The following ATP10B variants were observed in gnomAD, a reference collection of about 807,000 sequenced individuals.
ATP10B encodes phospholipid-transporting ATPase VB.
ATP10B carries 122 observed loss-of-function variants against 141.2 expected under a neutral mutation model. The ratio of observed to expected loss-of-function variants is 0.86; its 90% CI spans 0.75 to 1.00. The LOEUF (loss-of-function observed/expected upper bound fraction) is 1.00, where lower values mean the gene tolerates loss of function less well. ATP10B is among the 50% of genes least tolerant of loss of function. The pLI, the probability that ATP10B is intolerant of heterozygous loss-of-function variation, is 0.00. For synonymous variants in ATP10B, 685 were observed against 692.0 expected, an observed-to-expected ratio of 0.99 and a Z score of 0.16; for missense variants, 1,876 against 1,825.3, an observed-to-expected ratio of 1.03 and a Z score of -0.51.
At chr5:160,566,268 C>G (rs1451495901) in intron 25 of ATP10B, among the ~76,000 whole-genome samples, 1 of 152,198 alleles carries the variant, frequency 6.6e-6, no homozygotes, top group Non-Finnish European at 1.5e-5. Context: ...GAGCTATGGT[C>G]AGAACCACAC....
In ATP10B at chr5:160,654,879, T is replaced by C. The variant is rs148984610; in HGVS notation, c.676-5623A>G. Among the ~76,000 whole-genome samples the C allele has an allele frequency of 1.1e-4, 17 of 152,288 alleles. No individual in the cohort carries two copies. In the East Asian group the frequency reaches 3.1e-3, roughly 28 times the overall value. On this transcript the variant is annotated intron_variant, in intron 7 of 25. Transcript: ENST00000327245. ...ACCATTATTATCCCGATTTCAGAGATAAAGGAATTGAGGCTTAGGGAAAAT... is the reference window on the plus strand; with the variant it reads ...ACCATTATTATCCCGATTTCAGAGACAAAGGAATTGAGGCTTAGGGAAAAT...
the ATP10B span, among the ~76,000 whole-genome samples, chr5:160,895,805 ACTC>A: frequency 2.0e-5 from 3 of 152,070 alleles, no homozygotes; most frequent in Admixed American, 1.3e-4. Flanking sequence ...GAAGTAAAAC[ACTC>A]CTCAGCAAAT....
the ATP10B span, among the ~76,000 whole-genome samples, chr5:160,916,597 C>G: frequency 6.6e-6 from 1 of 152,106 alleles, no homozygotes; most frequent in Non-Finnish European, 1.5e-5. Flanking sequence ...TCTCATGACT[C>G]TAGGAGGTAA....
intron 7 of ATP10B, among the ~76,000 whole-genome samples, chr5:160,663,232 A>G (rs187090891): frequency 0.011 from 1,635 of 152,154 alleles, 17 homozygotes; most frequent in African/African-American, 0.025. Flanking sequence ...TCAGTGTGGC[A>G]ATTCCTCAGG....
the ATP10B span, among the ~76,000 whole-genome samples, chr5:160,878,240 C>A: frequency 1.6e-4 from 24 of 151,400 alleles, no homozygotes; most frequent in African/African-American, 5.6e-4. Context: ...ATATCTACAA[C>A]TATCTGATCT....
intron 13 of ATP10B, among the ~76,000 whole-genome samples, chr5:160,623,833 A>T (rs1045633064): frequency 1.3e-5 from 2 of 152,174 alleles, no homozygotes; most frequent in East Asian, 3.8e-4. Flanking sequence ...CCCTGCTGGC[A>T]TCTTGCTTTG....
At chr5:160,708,492 T>C (rs2127768597) in intron 3 of ATP10B, among the ~76,000 whole-genome samples, 1 of 152,320 alleles carries the variant, frequency 6.6e-6, no homozygotes, top group East Asian at 1.9e-4. Context: ...CTATCACAAA[T>C]GCTTCTTAAT....
the ATP10B span, among the ~76,000 whole-genome samples, chr5:160,882,592 A>G: frequency 1.1e-5 from 1 of 93,238 alleles, no homozygotes; most frequent in Non-Finnish European, 2.9e-5. Flanking sequence ...TAAAAAATAA[A>G]TTCATAAAAA....
intron 2 of ATP10B, among the ~76,000 whole-genome samples, chr5:160,739,416 A>G (rs1767323197): frequency 6.6e-6 from 1 of 152,246 alleles, no homozygotes; most frequent in South Asian, 2.1e-4. Context: ...ATGATAACAT[A>G]TGCTAGAAAA....
At chr5:160,581,586 G>C (rs1755556713) in intron 24 of ATP10B, among the ~76,000 whole-genome samples, 1 of 152,190 alleles carries the variant, frequency 6.6e-6, no homozygotes, top group Non-Finnish European at 1.5e-5. Context: ...GTCAATTTTA[G>C]AATAAGTGTG....
chr5:160,758,958 C>A (rs1487382977), intron 2 of ATP10B, among the ~76,000 whole-genome samples: 1 of 152,110 alleles, frequency 6.6e-6, no homozygotes, highest in Non-Finnish European at 1.5e-5. Context: ...CTTGGGAAAC[C>A]CACAATGCAG....
chr5:160,873,114 G>GTTTTTTTTTTTT, the ATP10B span, among the ~76,000 whole-genome samples: 1 of 145,498 alleles, frequency 6.9e-6, no homozygotes, highest in South Asian at 2.1e-4. Flanking sequence ...TATTCCTAAG[G>GTTTTTTTTTTTT]TTTTTTTTGT....
chr5:160,685,351 G>A (rs975282318), intron 6 of ATP10B: 1 of 564,070 alleles, frequency 1.8e-6, no homozygotes, highest in African/African-American at 1.9e-5. Flanking sequence ...AAACCCCAGG[G>A]GAGAAACATG....
At chr5:160,922,595 G>C in the ATP10B span, among the ~76,000 whole-genome samples, 19 of 152,280 alleles carry the variant, frequency 1.2e-4, no homozygotes, top group African/African-American at 4.1e-4. Context: ...TGTCTACAAA[G>C]AATTCCAATG....
chr5:160,776,742 C>T (rs771228486), intron 2 of ATP10B, among the ~76,000 whole-genome samples: 2 of 152,196 alleles, frequency 1.3e-5, no homozygotes, highest in Non-Finnish European at 2.9e-5. Flanking sequence ...AAGGTTCAGT[C>T]AGCCTAGTCA....
At chr5:160,586,009 G>A (rs1296207131) in intron 24 of ATP10B, among the ~76,000 whole-genome samples, 11 of 152,148 alleles carry the variant, frequency 7.2e-5, no homozygotes, top group Admixed American at 5.2e-4. Flanking sequence ...TGTACAGAAC[G>A]TGCAAGTTTG....
chr5:160,582,989 T>G (rs1370473831), intron 24 of ATP10B, among the ~76,000 whole-genome samples: 2 of 152,214 alleles, frequency 1.3e-5, no homozygotes, highest in African/African-American at 4.8e-5. Flanking sequence ...TAATCTTTTT[T>G]CAAGGTTCTT....
At chr5:160,596,113 C>A (rs1394194113) in intron 22 of ATP10B, among the ~76,000 whole-genome samples, 1 of 151,886 alleles carries the variant, frequency 6.6e-6, no homozygotes, top group Non-Finnish European at 1.5e-5. Flanking sequence ...AGACCAATAT[C>A]CTTGATGAAC....
rs1021771341 is a variant in ATP10B, at chr5:160,691,510, A to G, written c.-204-2567T>C. 2.6e-5 allele frequency among the ~76,000 whole-genome samples: 4 copies of G among 152,314 alleles called. No homozygotes were observed. In the South Asian group the frequency reaches 8.3e-4, roughly 32 times the overall value. On this transcript the variant is annotated intron_variant, in intron 3 of 25. Transcript: ENST00000327245. ...TCAAAGATACATTTTATAAAGTTAG[A>G]AGTTGTATATAATGGTCCTTCTCAT...
Sources: allele counts gnomAD v4.1 joint callset (sites outside exome capture counted in the v4.1 genomes callset), GRCh38; gene constraint gnomAD v4.1.1; transcripts MANE v1.5; gene names NCBI Gene and HGNC (gene_info 2026-07-23, HGNC 2026-07-21).